MCF2L: variants seen among roughly 807,000 people sequenced by gnomAD.
The protein encoded by MCF2L is MCF.2 cell line derived transforming sequence like, also known as guanine nucleotide exchange factor DBS.
In MCF2L, 97 loss-of-function variants were observed where a neutral mutation model predicts 153.4. The observed-to-expected ratio is 0.63, with a 90% CI of 0.54 to 0.75. The LOEUF is 0.75. Among genes scored for constraint, MCF2L ranks in the 30% least tolerant of loss-of-function variants. The pLI is 0.00. For synonymous variants in MCF2L, 659 were observed against 632.2 expected (o/e 1.04, Z -0.64); for missense variants, 1,347 against 1,495.2 (o/e 0.90, Z 1.64).
At chr13:112,976,546 C>T (rs966752838) in intron 1 of MCF2L, among the ~76,000 whole-genome samples, 3 of 152,164 alleles carry the variant, frequency 2.0e-5, no homozygotes, top group Admixed American at 1.3e-4. Context: ...GCTCATGGGG[C>T]GGCAAGGCTG....
At chr13:113,005,508 T>C (rs1189466837) in intron 1 of MCF2L, among the ~76,000 whole-genome samples, 1 of 151,164 alleles carries the variant, frequency 6.6e-6, no homozygotes, top group African/African-American at 2.4e-5. Context: ...ATGGTTGGTT[T>C]GTGGTGGCCG....
chr13:112,923,946 G>A (rs1172998662), intron 2 of MCF2L, among the ~76,000 whole-genome samples: 1 of 152,082 alleles, frequency 6.6e-6, no homozygotes, highest in Non-Finnish European at 1.5e-5. Context: ...TCCTAAATTG[G>A]GGTTTGTCTA....
chr13:113,002,620 A>G (rs1004936782), intron 1 of MCF2L, among the ~76,000 whole-genome samples: 11 of 152,182 alleles, frequency 7.2e-5, no homozygotes, highest in Non-Finnish European at 1.5e-4. Context: ...CACTGGCCCC[A>G]TCCTGACAAT....
In MCF2L at chr13:112,983,679, C is replaced by CTCA. The variant is rs1293576669; in HGVS notation, c.79+14221_79+14222insTCA. Among the ~76,000 whole-genome samples the CTCA allele has an allele frequency of 5.3e-5, 8 of 152,188 alleles. No individual in the cohort carries two copies. Among genetic ancestry groups the CTCA allele is most frequent in the Non-Finnish European group, 1.2e-4 (8 of 68,036 alleles). ...TGCCCTTGGTCATCAGGATGTGAGGCGGTGACGGACACTTCAGTGCTCTGA... is the reference window on the plus strand; with the variant it reads ...TGCCCTTGGTCATCAGGATGTGAGGCTCAGGTGACGGACACTTCAGTGCTCTGA... On this transcript the variant is annotated intron_variant, in intron 1 of 29. Transcript: ENST00000535094. The surrounding 1 kb of genome is among the most constrained non-coding windows in gnomAD (Gnocchi z 4.0).
At position 113,060,655 on chromosome 13, in the gene MCF2L, G is replaced by A; in HGVS notation, c.432G>A (p.Arg144=). 1.9e-6 allele frequency: 3 copies of A among 1,613,678 alleles called. No individual in the cohort carries two copies. Among genetic ancestry groups the A allele is most frequent in the Non-Finnish European group, 2.5e-6 (3 of 1,179,972 alleles). Residue 144 remains arginine (R), a synonymous_variant, in exon 5 of 30, where the codon AGG becomes AGA. Transcript: ENST00000535094. ...LVLRPTGFFQ[R]TLSDIAFKFN... ...TTCGCCCGACGGGTTTTTTCCAAAG[G>A]ACTCTCTCCGACATCGCTTTCAAAT...
At chr13:113,082,790 G>A (rs1384198011) in intron 17 of MCF2L, among the ~76,000 whole-genome samples, 1 of 152,196 alleles carries the variant, frequency 6.6e-6, no homozygotes, top group Non-Finnish European at 1.5e-5. Context: ...CCAGCCGTGA[G>A]GAGAGGGCTC....
intron 23 of MCF2L, 136 bp downstream of exon 23, chr13:113,087,935 G>A: frequency 4.1e-6 from 3 of 723,048 alleles, no homozygotes; most frequent in Non-Finnish European, 7.2e-6. Context: ...GCTGCCCTGG[G>A]CTGTCTTCAC....
In MCF2L at chr13:113,074,541, C is replaced by G. The variant is rs142970403; in HGVS notation, c.1094C>G (p.Ala365Gly). The change falls in exon 10 of 30, where the codon GCC becomes GGC. Residue 365 changes from alanine to glycine, a missense_variant. By Grantham distance (60) the Ala-to-Gly change is moderately conservative. This residue lies in a region of MCF2L where 820 missense variants were observed against 921.2 expected (regional missense o/e 0.89). Coordinates refer to ENST00000535094, the MANE Select transcript of MCF2L (RefSeq NM_001112732.3). The surrounding 1 kb of genome is among the most constrained non-coding windows in gnomAD (Gnocchi z 4.2). ...GTGGAGCACCTGCTGAGGGACCTGG[C>G]CAGCTTCGAGGAGAAATCAGGCGTA... ...AHVEHLLRDL[A>G]SFEEKSGVAV... The G allele has an allele frequency of 6.6e-5, 107 of 1,613,846 alleles. No individual in the cohort carries two copies. The highest frequency in any genetic ancestry group is 8.6e-5 in the Non-Finnish European group (102 of 1,179,968).
intron 1 of MCF2L, among the ~76,000 whole-genome samples, chr13:112,978,989 C>T (rs1488879964): frequency 1.3e-5 from 2 of 152,216 alleles, no homozygotes; most frequent in Non-Finnish European, 2.9e-5. Context: ...TCTCACCCCT[C>T]GGAAGCAGCC....
At chr13:112,901,038 G>C (rs1479565351) in intron 1 of MCF2L, among the ~76,000 whole-genome samples, 1 of 152,216 alleles carries the variant, frequency 6.6e-6, no homozygotes, top group Non-Finnish European at 1.5e-5. Flanking sequence ...ACCAGGGCAG[G>C]AGGGATTTCC....
At position 112,904,290 on chromosome 13, in the gene MCF2L, C is replaced by T. The variant is rs776251659; in HGVS notation, c.169+1919C>T. 7.2e-5 allele frequency among the ~76,000 whole-genome samples: 11 copies of T among 152,008 alleles called. No homozygotes were observed. The highest frequency in any genetic ancestry group is 2.6e-4 in the Admixed American group (4 of 15,276). ...GTGCTCCTATTATTTCTCAACGTAC[C>T]GAGCTCTCCCAGGCTCAGGAGCATG... On this transcript the variant is annotated intron_variant, in intron 2 of 29. Transcript: ENST00000375608. This position sits in a 1 kb window ranked among gnomAD's most constrained non-coding sequence, Gnocchi z 4.2.
Position 113,035,590 on chromosome 13 carries a change from C to T in MCF2L, c.279-9681C>T, listed in dbSNP as rs990310269. On this transcript the variant is annotated intron_variant, in intron 3 of 29. Coordinates refer to ENST00000535094, the MANE Select transcript of MCF2L (RefSeq NM_001112732.3). This position sits in a 1 kb window ranked among gnomAD's most constrained non-coding sequence, Gnocchi z 4.4. ...GCTGCCTTTTTCTTCCATGAGGATG[C>T]GGTTCCCGTGTCCCCCAGGACAGCT... Among the ~76,000 whole-genome samples the T allele has an allele frequency of 1.3e-5, 2 of 152,200 alleles. No homozygotes were observed. The highest frequency in any genetic ancestry group is 2.4e-5 in the African/African-American group (1 of 41,450).
chr13:112,994,637 C>T (rs1317877633), intron 1 of MCF2L, among the ~76,000 whole-genome samples: 3 of 152,328 alleles, frequency 2.0e-5, no homozygotes, highest in East Asian at 1.9e-4. Context: ...TGTGGAGAGC[C>T]GGGAAGCCTG....
rs111941948 is a variant in MCF2L, at chr13:113,026,008, T to C, written c.278+1250T>C. Among the ~76,000 whole-genome samples the C allele has an allele frequency of 9.9e-3, 230 of 23,314 alleles. 5 individuals carry two copies. The highest frequency in any genetic ancestry group is 0.021 in the African/African-American group (126 of 6,118). 15.3% of individuals were successfully genotyped at this position (23,314 alleles called of 152,430 possible). On this transcript the variant is annotated intron_variant, in intron 3 of 29. Coordinates refer to ENST00000535094, the MANE Select transcript of MCF2L (RefSeq NM_001112732.3). Reference sequence around the variant, plus strand: ...GGGGCAGAGTCTCCGTGAGGTTTCATCATGGTGGGGTCCCCGTGACTGTGG... The same window carrying C: ...GGGGCAGAGTCTCCGTGAGGTTTCACCATGGTGGGGTCCCCGTGACTGTGG...
chr13:113,019,631 T>G (rs2993301), intron 2 of MCF2L, among the ~76,000 whole-genome samples: 96,111 of 152,016 alleles, frequency 0.63, 30,602 homozygotes, highest in East Asian at 0.85. Flanking sequence ...TCCGATGGTT[T>G]CACGACATCC....
At chr13:113,021,311 A>T (rs7491452) in intron 2 of MCF2L, among the ~76,000 whole-genome samples, 6 of 88,602 alleles carry the variant, frequency 6.8e-5, no homozygotes, top group African/African-American at 2.0e-4. Flanking sequence ...TATTAAACTG[A>T]GTGTGTATCT....
chr13:113,020,100 C>G (rs982186719), intron 2 of MCF2L, among the ~76,000 whole-genome samples: 8 of 152,144 alleles, frequency 5.3e-5, no homozygotes, highest in Admixed American at 1.3e-4. Context: ...GAATGTGATG[C>G]CTTCTTGATG....
rs2081576084 is a variant in MCF2L at position 112,941,592 on chromosome 13, T to C, written c.169+39221T>C. Among the ~76,000 whole-genome samples the C allele has an allele frequency of 6.6e-6, 1 of 151,852 alleles. No homozygotes were observed. The highest frequency in any genetic ancestry group is 1.5e-5 in the Non-Finnish European group (1 of 68,000). On this transcript the variant is annotated intron_variant, in intron 2 of 29. Transcript: ENST00000375608. The surrounding 1 kb of genome is among the most constrained non-coding windows in gnomAD (Gnocchi z 4.9). ...GATGTTGTCATGGAGTTTTCTGAAATTGCAAAACCTCTGGATAAAGTTCCT... is the reference window on the plus strand; with the variant it reads ...GATGTTGTCATGGAGTTTTCTGAAACTGCAAAACCTCTGGATAAAGTTCCT...
At chr13:112,927,325 C>T (rs2140600410) in intron 2 of MCF2L, among the ~76,000 whole-genome samples, 1 of 152,286 alleles carries the variant, frequency 6.6e-6, no homozygotes, top group Non-Finnish European at 1.5e-5. Context: ...TGATGTTGAA[C>T]TGGAAGCATC....
Sources: gnomAD v4.1 joint callset for allele counts (sites outside exome capture counted in the v4.1 genomes callset) on GRCh38, gnomAD v4.1.1 for gene constraint, gnomAD v4.1.1 regional missense constraint, Gnocchi (gnomAD v3.1) non-coding constraint, MANE v1.5 for transcripts, NCBI Gene and HGNC (gene_info 2026-07-23, HGNC 2026-07-21) for gene names.